The following CDH13 variants were observed in gnomAD, a reference collection of about 807,000 sequenced individuals.
CDH13 encodes cadherin 13, also known as cadherin-13.
A neutral mutation model predicts 63.8 loss-of-function variants in CDH13; 24 were observed. The ratio of observed to expected loss-of-function variants is 0.38; its 90% CI spans 0.27 to 0.53. CDH13 has a LOEUF of 0.53. Among genes scored for constraint, CDH13 ranks in the 20% least tolerant of loss-of-function variants. The pLI is 0.85. For missense variants in CDH13, 1,049 were observed against 903.1 expected (o/e 1.16, Z -2.07); for synonymous variants, 503 against 355.3 (o/e 1.42, Z -4.67).
At chr16:83,032,285 A>G (rs1916437226) in intron 3 of CDH13, 67 bp downstream of exon 3, 1 of 1,218,712 alleles carries the variant, frequency 8.2e-7, no homozygotes, top group Non-Finnish European at 1.2e-6. Flanking sequence ...CTTATGTGGA[A>G]AATGGGTCTT....
chr16:83,171,057 A>G (rs2037893574), intron 4 of CDH13, among the ~76,000 whole-genome samples: 2 of 151,990 alleles, frequency 1.3e-5, no homozygotes, highest in Admixed American at 6.6e-5. Flanking sequence ...AATACCTGAG[A>G]CTGGGTAATT....
intron 3 of CDH13, among the ~76,000 whole-genome samples, chr16:83,111,165 C>G (rs1043894429): frequency 8.3e-6 from 1 of 120,306 alleles, no homozygotes; most frequent in Non-Finnish European, 1.9e-5. Context: ...GAGCGGGACT[C>G]CGTCTCAAAA....
chr16:83,550,214 A>G lies in CDH13; in HGVS notation c.961-52240A>G, dbSNP rs945100559. 2.6e-5 allele frequency among the ~76,000 whole-genome samples: 4 copies of G among 152,198 alleles called. 1 individual carries two copies. Among genetic ancestry groups the G allele is most frequent in the Admixed American group, 1.3e-4 (2 of 15,276 alleles). The stretch of plus-strand genomic sequence containing the variant: ...GTGAAGCCCCAAGTACTTGAGAGGG[A>G]CAAACAAAACACCTGTGGAATCTCT... On this transcript the variant is annotated intron_variant, in intron 7 of 13. Transcript: ENST00000567109.
intron 7 of CDH13, among the ~76,000 whole-genome samples, chr16:83,582,859 T>C (rs1021426802): frequency 2.0e-4 from 30 of 152,218 alleles, no homozygotes; most frequent in African/African-American, 6.5e-4. Flanking sequence ...CTAAGAAGCA[T>C]GGTCCATCCA....
intron 3 of CDH13, among the ~76,000 whole-genome samples, chr16:83,062,121 G>A (rs1040554826): frequency 2.0e-5 from 3 of 152,178 alleles, no homozygotes; most frequent in Non-Finnish European, 4.4e-5. Flanking sequence ...TCTGAGCTTT[G>A]CATCTGGAAA....
At chr16:83,162,055 C>A (rs961644972) in intron 4 of CDH13, among the ~76,000 whole-genome samples, 3 of 152,068 alleles carry the variant, frequency 2.0e-5, no homozygotes, top group Admixed American at 1.3e-4. Context: ...GGGGTTAGGC[C>A]CATTTTATAA....
chr16:82,717,912 A>C (rs2032497205), intron 1 of CDH13, among the ~76,000 whole-genome samples: 1 of 152,222 alleles, frequency 6.6e-6, no homozygotes, highest in Non-Finnish European at 1.5e-5. Flanking sequence ...GTGTCATCAC[A>C]AACCAAGATG....
At chr16:83,646,707 A>G (rs76446203) in intron 8 of CDH13, among the ~76,000 whole-genome samples, 2 of 102,046 alleles carry the variant, frequency 2.0e-5, no homozygotes, top group African/African-American at 6.4e-5. Context: ...AAAAAAAAAA[A>G]AAAAAACACA....
At chr16:83,516,539 T>A (rs1434911352) in intron 7 of CDH13, among the ~76,000 whole-genome samples, 5 of 152,222 alleles carry the variant, frequency 3.3e-5, no homozygotes, top group Non-Finnish European at 7.3e-5. Flanking sequence ...ACTTATAGAC[T>A]GCTTCAAAGG....
At chr16:83,036,236 A>G (rs201913852) in intron 3 of CDH13, among the ~76,000 whole-genome samples, 1 of 135,868 alleles carries the variant, frequency 7.4e-6, no homozygotes, top group East Asian at 2.2e-4. Flanking sequence ...TGCAACCTCC[A>G]CCTCCTGGGT....
chr16:83,430,997 G>A (rs2151482748), intron 6 of CDH13, among the ~76,000 whole-genome samples: 1 of 122,094 alleles, frequency 8.2e-6, no homozygotes, highest in South Asian at 2.7e-4. Context: ...TCCCCAAAGT[G>A]TGATGTTCCC....
At chr16:83,626,045 C>T (rs527596900) in intron 8 of CDH13, among the ~76,000 whole-genome samples, 1 of 149,274 alleles carries the variant, frequency 6.7e-6, no homozygotes, top group Middle Eastern at 3.2e-3. Flanking sequence ...GGGTCTCACT[C>T]TGTTGCCCAG....
At chr16:83,267,176 C>T (rs572954147) in intron 5 of CDH13, among the ~76,000 whole-genome samples, 1 of 152,150 alleles carries the variant, frequency 6.6e-6, no homozygotes, top group East Asian at 1.9e-4. Flanking sequence ...CAGAAAACCC[C>T]AACCCAACTG....
intron 7 of CDH13, among the ~76,000 whole-genome samples, chr16:83,490,185 TATTTTCCATTTAGTC>T (rs1160950471): frequency 2.6e-5 from 4 of 152,166 alleles, no homozygotes; most frequent in Non-Finnish European, 5.9e-5. Flanking sequence ...TTTTCATCTT[TATTTTCCATTTAGTC>T]AATTTCCTTT....
chr16:82,698,601 G>A (rs916340874), intron 1 of CDH13, among the ~76,000 whole-genome samples: 4 of 152,134 alleles, frequency 2.6e-5, no homozygotes, highest in Admixed American at 6.5e-5. Flanking sequence ...CATTGGAGGA[G>A]GCATGAGAGA....
At position 83,107,311 on chromosome 16, in the gene CDH13, G is replaced by C. The variant is rs545087509; in HGVS notation, c.367-18074G>C. The stretch of plus-strand genomic sequence containing the variant: ...GGAAATTTTGAAAAAGAGTTCGTTG[G>C]GGTTGGTGGTGGTTGTGGTGGTGGT... On this transcript the variant is annotated intron_variant, in intron 3 of 13. Transcript: ENST00000567109. Among the ~76,000 whole-genome samples, 4 of 114,070 alleles carry C rather than the reference G, an allele frequency of 3.5e-5. No individual in the cohort carries two copies. In the South Asian group the frequency reaches 9.8e-4, roughly 28 times the overall value. 74.8% of individuals were successfully genotyped at this position (114,070 alleles called of 152,430 possible).
intron 5 of CDH13, among the ~76,000 whole-genome samples, chr16:83,323,865 GAT>G (rs1349725253): frequency 6.6e-6 from 1 of 152,060 alleles, no homozygotes; most frequent in Non-Finnish European, 1.5e-5. Flanking sequence ...TCAAATCTGA[GAT>G]AGTTATTTCC....
At chr16:82,641,825 A>G (rs1194880810) in intron 1 of CDH13, among the ~76,000 whole-genome samples, 1 of 152,190 alleles carries the variant, frequency 6.6e-6, no homozygotes, top group Non-Finnish European at 1.5e-5. Context: ...TGGTGAGCTT[A>G]TGTACTGGCT....
chr16:82,873,041 C>A (rs994031834), intron 2 of CDH13, among the ~76,000 whole-genome samples: 2 of 152,170 alleles, frequency 1.3e-5, no homozygotes, highest in African/African-American at 4.8e-5. Flanking sequence ...AAGGCAAGGT[C>A]ATATGATAGA....
Sources: allele counts gnomAD v4.1 joint callset (sites outside exome capture counted in the v4.1 genomes callset), GRCh38; gene constraint gnomAD v4.1.1; transcripts MANE v1.5; gene names NCBI Gene and HGNC (gene_info 2026-07-23, HGNC 2026-07-21).